The following LRP1B variants were observed in gnomAD, a reference collection of about 807,000 sequenced individuals.
The protein encoded by LRP1B is low-density lipoprotein receptor-related protein 1B.
LRP1B carries 217 observed loss-of-function variants against 556.6 expected under a neutral mutation model. The observed-to-expected ratio is 0.39, with a 90% confidence interval of 0.35 to 0.44. LRP1B has a LOEUF of 0.44. Ranked by LOEUF, LRP1B falls within the 20% of genes least tolerant of loss-of-function variation. LRP1B has a pLI of 1.00. For synonymous variants in LRP1B, 2,047 were observed against 1,865.8 expected (o/e 1.10, Z -2.50); for missense variants, 5,053 against 5,620.8 (o/e 0.90, Z 3.23).
Position 140,907,879 on chromosome 2 carries a change from C to T in LRP1B, c.3518G>A (p.Cys1173Tyr), listed in dbSNP as rs2105231576. 6.2e-7 allele frequency: 1 copy of T among 1,613,280 alleles called. No individual in the cohort carries two copies. The highest frequency in any genetic ancestry group is 1.7e-5 in the Admixed American group (1 of 59,976). Residue 1173 changes from cysteine (C) to tyrosine (Y), a missense_variant and splice_region_variant, in exon 22 of 91, where the codon TGT becomes TAT. Cys to Tyr is a radical substitution (Grantham distance 194). Transcript: ENST00000389484. Reference protein sequence around the residue: ...CPDGSDEGYLCDECSLNNGGC... With the variant: ...CPDGSDEGYLYDECSLNNGGC... Reference sequence around the variant, plus strand: ...CAGTACAATTAAACATGCAATACCACAGAGATAGCCTTCATCAGAGCCATC... The same window carrying T: ...CAGTACAATTAAACATGCAATACCATAGAGATAGCCTTCATCAGAGCCATC...
intron 2 of LRP1B, among the ~76,000 whole-genome samples, chr2:141,763,174 A>G (rs1694617671): frequency 1.3e-5 from 2 of 152,184 alleles, no homozygotes; most frequent in Admixed American, 6.5e-5. Context: ...ATTATCACAA[A>G]TAAAGAATTC....
intron 40 of LRP1B, 76 bp from the exon 41 acceptor site, chr2:140,700,697 G>T (rs959297161): frequency 6.9e-6 from 10 of 1,459,434 alleles, no homozygotes; most frequent in Non-Finnish European, 8.4e-6. Context: ...TCTCCATAAA[G>T]AAATATTAAA....
At chr2:140,355,844 A>G (rs1468090313) in intron 75 of LRP1B, among the ~76,000 whole-genome samples, 2 of 151,902 alleles carry the variant, frequency 1.3e-5, no homozygotes, top group Non-Finnish European at 2.9e-5. Context: ...AATGATCTCA[A>G]GTAAGTTGAC....
chr2:141,465,391 A>T (rs965005423), intron 3 of LRP1B, among the ~76,000 whole-genome samples: 1 of 152,168 alleles, frequency 6.6e-6, no homozygotes, highest in Non-Finnish European at 1.5e-5. Context: ...GGACAGAAAG[A>T]GATGGCTACA....
At chr2:140,796,902 C>T (rs1208321460) in intron 32 of LRP1B, among the ~76,000 whole-genome samples, 2 of 151,820 alleles carry the variant, frequency 1.3e-5, no homozygotes, top group Admixed American at 1.3e-4. Context: ...AATAGAATAC[C>T]ATTAAATCTT....
At chr2:140,295,673 G>A (rs1002333229) in intron 84 of LRP1B, among the ~76,000 whole-genome samples, 7 of 152,128 alleles carry the variant, frequency 4.6e-5, no homozygotes, top group Non-Finnish European at 7.4e-5. Flanking sequence ...TTTTCCTGGT[G>A]TCCTCTTCTG....
chr2:141,319,324 T>C (rs1459849337), intron 3 of LRP1B, among the ~76,000 whole-genome samples: 3 of 146,536 alleles, frequency 2.0e-5, no homozygotes, highest in Non-Finnish European at 4.5e-5. Context: ...TTTTTTTTTT[T>C]CCTACTCTTA....
intron 2 of LRP1B, among the ~76,000 whole-genome samples, chr2:141,800,318 C>T (rs1000575113): frequency 6.6e-6 from 1 of 152,186 alleles, no homozygotes; most frequent in African/African-American, 2.4e-5. Context: ...TAGCATGCTG[C>T]AGTGTTCACT....
At chr2:141,976,476 A>C in intron 1 of LRP1B, among the ~76,000 whole-genome samples, 1 of 152,254 alleles carries the variant, frequency 6.6e-6, no homozygotes, top group Admixed American at 6.5e-5. Flanking sequence ...CTGATAGATA[A>C]GTAATCTAGG....
intron 20 of LRP1B, among the ~76,000 whole-genome samples, chr2:140,933,883 C>T (rs932762468): frequency 1.3e-5 from 2 of 151,816 alleles, no homozygotes; most frequent in African/African-American, 4.8e-5. Flanking sequence ...CTTGAGTTGT[C>T]TTTACTTTTG....
At chr2:141,495,595 GTTTAT>G (rs1047446247) in intron 2 of LRP1B, among the ~76,000 whole-genome samples, 2 of 152,110 alleles carry the variant, frequency 1.3e-5, no homozygotes, top group South Asian at 2.1e-4. Context: ...TAAGTTTAAT[GTTTAT>G]TTTATTTATT....
intron 3 of LRP1B, among the ~76,000 whole-genome samples, chr2:141,361,526 T>A (rs918892919): frequency 6.6e-6 from 1 of 152,190 alleles, no homozygotes; most frequent in Non-Finnish European, 1.5e-5. Context: ...TAAAATATTT[T>A]AAAAACCCTA....
intron 86 of LRP1B, among the ~76,000 whole-genome samples, chr2:140,248,938 T>A (rs1681288714): frequency 6.6e-6 from 1 of 151,432 alleles, no homozygotes; most frequent in Non-Finnish European, 1.5e-5. Context: ...TGCTTAGTTA[T>A]TTCATTATGT....
intron 7 of LRP1B, among the ~76,000 whole-genome samples, chr2:141,094,785 G>A (rs1231967307): frequency 6.6e-6 from 1 of 152,196 alleles, no homozygotes; most frequent in Non-Finnish European, 1.5e-5. Context: ...AGAATTTTAA[G>A]TTTAAAAGGA....
At chr2:142,031,154 TATATA>T (rs1433398250) in intron 1 of LRP1B, among the ~76,000 whole-genome samples, 1 of 151,768 alleles carries the variant, frequency 6.6e-6, no homozygotes, top group Non-Finnish European at 1.5e-5. Context: ...CTTTCCTCAT[TATATA>T]ATATGATATA....
chr2:141,417,118 G>A (rs758731950), intron 3 of LRP1B, among the ~76,000 whole-genome samples: 24 of 151,868 alleles, frequency 1.6e-4, no homozygotes, highest in Non-Finnish European at 2.2e-4. Context: ...CTTATTAAAC[G>A]TAAGGAGAAA....
intron 3 of LRP1B, among the ~76,000 whole-genome samples, chr2:141,327,033 G>A (rs140514492): frequency 5.5e-4 from 84 of 152,186 alleles, no homozygotes; most frequent in African/African-American, 1.9e-3. Flanking sequence ...AGCTAACAAT[G>A]AGAGATAAAT....
chr2:142,021,036 T>C (rs1454204663), intron 1 of LRP1B, among the ~76,000 whole-genome samples: 1 of 152,196 alleles, frequency 6.6e-6, no homozygotes, highest in Non-Finnish European at 1.5e-5. Flanking sequence ...CAAAAAGTCA[T>C]TGAATGATAA....
intron 41 of LRP1B, among the ~76,000 whole-genome samples, chr2:140,667,319 C>A (rs867225379): frequency 6.6e-6 from 1 of 152,118 alleles, no homozygotes; most frequent in Non-Finnish European, 1.5e-5. Context: ...TGATACCACC[C>A]GGAGACATCA....
Sources: gnomAD v4.1 joint callset for allele counts (sites outside exome capture counted in the v4.1 genomes callset) on GRCh38, gnomAD v4.1.1 for gene constraint, MANE v1.5 for transcripts, NCBI Gene and HGNC (gene_info 2026-07-23, HGNC 2026-07-21) for gene names.